Variants in MEGF11 observed in about 807,000 individuals in gnomAD.
MEGF11 encodes the protein multiple epidermal growth factor-like domains protein 11.
Under a neutral mutation model 146.6 loss-of-function variants are expected in MEGF11, and 126 were observed. The ratio of observed to expected loss-of-function variants is 0.86; its 90% CI spans 0.74 to 1.00. The LOEUF is 1.00. Ranked by LOEUF, MEGF11 falls within the 50% of genes least tolerant of loss-of-function variation. The probability of loss-of-function intolerance (pLI) is 0.00; values close to 1 mark genes in which losing one functional copy is unlikely to be tolerated. For missense variants in MEGF11, 1,509 were observed against 1,521.2 expected (o/e 0.99, Z 0.13); for synonymous variants, 532 against 583.4 (o/e 0.91, Z 1.27).
intron 4 of MEGF11, among the ~76,000 whole-genome samples, chr15:66,097,205 C>T (rs957129641): frequency 2.0e-5 from 3 of 152,180 alleles, no homozygotes; most frequent in South Asian, 2.1e-4. Context: ...AGCAAATACC[C>T]GAGGCTCAGG....
At chr15:66,150,503 T>C (rs1468707921) in intron 1 of MEGF11, among the ~76,000 whole-genome samples, 1 of 152,028 alleles carries the variant, frequency 6.6e-6, no homozygotes, top group African/African-American at 2.4e-5. Flanking sequence ...TTCCCCCAAT[T>C]GTGATGACAT....
At chr15:66,137,607 C>A (rs183466677) in intron 1 of MEGF11, among the ~76,000 whole-genome samples, 1 of 147,346 alleles carries the variant, frequency 6.8e-6, no homozygotes, top group South Asian at 2.1e-4. Context: ...GGCTGGAGTG[C>A]GGTGGCACGG....
At chr15:66,032,624 G>T (rs1336622881) in intron 5 of MEGF11, among the ~76,000 whole-genome samples, 3 of 152,210 alleles carry the variant, frequency 2.0e-5, no homozygotes, top group Non-Finnish European at 2.9e-5. Flanking sequence ...TGGAGCAAAG[G>T]CCATCCTTGT....
Position 66,234,283 on chromosome 15 carries a change from C to T in MEGF11, c.-9+19322G>A, listed in dbSNP as rs75945511. Among the ~76,000 whole-genome samples, 988 of 152,358 alleles carry T rather than the reference C, an allele frequency of 6.5e-3. 6 individuals are homozygous for T. Among genetic ancestry groups the T allele is most frequent in the Middle Eastern group, 0.01 (3 of 294 alleles). ...GCGCTATTGCGAGGATGTGCTAACACGCCGAGAGGAACAGCCAGAGAGGCG... is the reference window on the plus strand; with the variant it reads ...GCGCTATTGCGAGGATGTGCTAACATGCCGAGAGGAACAGCCAGAGAGGCG... On this transcript the variant is annotated intron_variant, in intron 1 of 25. Transcript: ENST00000395614.
intron 1 of MEGF11, among the ~76,000 whole-genome samples, chr15:66,184,022 A>G (rs2090626689): frequency 6.6e-6 from 1 of 152,184 alleles, no homozygotes. Context: ...ACTTCTAGAA[A>G]ATGCATACTA....
intron 20 of MEGF11, among the ~76,000 whole-genome samples, chr15:65,913,011 T>G (rs1196817466): frequency 6.6e-6 from 1 of 152,146 alleles, no homozygotes; most frequent in Non-Finnish European, 1.5e-5. Context: ...ATAGGGCAAT[T>G]TCAGAGCATT....
intron 5 of MEGF11, among the ~76,000 whole-genome samples, chr15:66,064,432 C>A (rs2085031609): frequency 6.6e-6 from 1 of 152,144 alleles, no homozygotes; most frequent in Non-Finnish European, 1.5e-5. Flanking sequence ...AACACATTTT[C>A]CCCAGGTAAT....
At chr15:66,125,443 G>A (rs573781372) in intron 2 of MEGF11, among the ~76,000 whole-genome samples, 5 of 152,312 alleles carry the variant, frequency 3.3e-5, no homozygotes, top group East Asian at 3.9e-4. Flanking sequence ...AATGGGGAGC[G>A]TGCACGGGCC....
rs181477652 is a variant in MEGF11 at position 65,949,909 on chromosome 15, C to T, written c.1287+7638G>A. Among the ~76,000 whole-genome samples the T allele has an allele frequency of 2.5e-3, 386 of 152,324 alleles. 5 individuals carry two copies. The highest frequency in any genetic ancestry group is 2.0e-3 in the Non-Finnish European group (139 of 68,022). On this transcript the variant is annotated intron_variant, in intron 10 of 25. Transcript: ENST00000395614. ...AGCATGGTGGAGCCGAGAAATCAGC[C>T]TTCTTCCCCCGTGTGAGCAGGAAGT...
intron 10 of MEGF11, among the ~76,000 whole-genome samples, chr15:65,955,271 A>G (rs2080541662): frequency 6.6e-6 from 1 of 152,176 alleles, no homozygotes; most frequent in Non-Finnish European, 1.5e-5. Context: ...GGAAATTACA[A>G]CAAAAAATGT....
At chr15:66,148,349 C>T (rs1027983334) in intron 1 of MEGF11, among the ~76,000 whole-genome samples, 1 of 152,230 alleles carries the variant, frequency 6.6e-6, no homozygotes, top group Non-Finnish European at 1.5e-5. Flanking sequence ...GTCTTATCTG[C>T]CCTGTTCTCT....
intron 5 of MEGF11, among the ~76,000 whole-genome samples, chr15:65,986,109 G>A (rs2081848841): frequency 6.6e-6 from 1 of 151,836 alleles, no homozygotes; most frequent in Non-Finnish European, 1.5e-5. Context: ...CCACCACCAT[G>A]CCCAGCTAAT....
chr15:65,982,252 T>C lies in MEGF11; in HGVS notation c.631A>G (p.Thr211Ala), dbSNP rs2081671512. Residue 211 changes from threonine (T) to alanine (A), a missense_variant, in exon 6 of 26, where the codon ACC becomes GCC. Physicochemically the swap from Thr to Ala is moderately conservative, Grantham distance 58 (BLOSUM62 0). Coordinates refer to ENST00000395614, the MANE Select transcript of MEGF11 (RefSeq NM_001385028.1). This position sits in a 1 kb window ranked among gnomAD's most constrained non-coding sequence, Gnocchi z 5.6. ...TGCCGCATGACTCACTAGACGCCGG[T>C]GTAGCCAGGTGCGCAGAGGCACTCG... The part of the protein sequence containing the change: ...AGECLCAPGY[T>A]GVYCEELCPP... 1 of 1,405,064 alleles carries C rather than the reference T, an allele frequency of 7.1e-7. No individual in the cohort carries two copies. The highest frequency in any genetic ancestry group is 1.2e-5 in the South Asian group (1 of 82,332). The allele number at this position is 1,405,064 out of a possible 1,614,324, so 87.0% of individuals were successfully genotyped here. A position where few individuals can be genotyped will look rare whatever the true frequency, so the allele number is the denominator to read the frequency against.
chr15:66,009,241 GTTTTTTT>G lies in MEGF11; in HGVS notation c.395-26760_395-26754del, dbSNP rs10540363. On this transcript the variant is annotated intron_variant, in intron 5 of 25. Coordinates refer to ENST00000395614, the MANE Select transcript of MEGF11 (RefSeq NM_001385028.1). ...TTGGTTAGAGAACACGTTAACCTAA[GTTTTTTT>G]TTTTTTTTTTTTTTTTAAATAGCAC... Among the ~76,000 whole-genome samples the G allele has an allele frequency of 3.0e-3, 426 of 143,092 alleles. 2 individuals are homozygous for G. Among genetic ancestry groups the G allele is most frequent in the African/African-American group, 0.011 (408 of 38,758 alleles). 93.9% of individuals were successfully genotyped at this position (143,092 alleles called of 152,430 possible).
At chr15:66,079,549 A>G (rs1399332596) in intron 5 of MEGF11, among the ~76,000 whole-genome samples, 1 of 40,562 alleles carries the variant, frequency 2.5e-5, no homozygotes, top group Non-Finnish European at 4.9e-5. Flanking sequence ...CCCCCCCCCC[A>G]GCACCCCCGC....
At chr15:66,082,963 A>G (rs2085955964) in intron 5 of MEGF11, among the ~76,000 whole-genome samples, 1 of 152,156 alleles carries the variant, frequency 6.6e-6, no homozygotes, top group Non-Finnish European at 1.5e-5. Flanking sequence ...GTCCCAGGCC[A>G]GGGGCAGGGA....
At chr15:66,114,558 G>A (rs1273081061) in intron 4 of MEGF11, among the ~76,000 whole-genome samples, 2 of 152,216 alleles carry the variant, frequency 1.3e-5, no homozygotes, top group Non-Finnish European at 2.9e-5. Context: ...CTACATATGT[G>A]AAAGTCTGCT....
chr15:66,135,408 T>C (rs1487087819), intron 1 of MEGF11, among the ~76,000 whole-genome samples: 2 of 152,244 alleles, frequency 1.3e-5, no homozygotes, highest in Non-Finnish European at 2.9e-5. Context: ...CATCAGTCAC[T>C]GTGACACAGA....
intron 5 of MEGF11, among the ~76,000 whole-genome samples, chr15:66,024,581 G>A (rs1022441576): frequency 6.6e-6 from 1 of 152,186 alleles, no homozygotes; most frequent in African/African-American, 2.4e-5. Context: ...TTATGTTGTG[G>A]CATCATTTCC....
Sources: allele counts gnomAD v4.1 joint callset (sites outside exome capture counted in the v4.1 genomes callset), GRCh38; gene constraint gnomAD v4.1.1; non-coding constraint Gnocchi (gnomAD v3.1); transcripts MANE v1.5; gene names NCBI Gene and HGNC (gene_info 2026-07-23, HGNC 2026-07-21).